The following AHCY variants were observed in gnomAD, a reference collection of about 807,000 sequenced individuals.
The protein encoded by AHCY is S-adenosyl-L-homocysteine hydrolase.
In AHCY, 24 loss-of-function variants were observed where a neutral mutation model predicts 45.4. The observed-to-expected ratio is 0.53, with a 90% CI of 0.38 to 0.74. The LOEUF is 0.74. Ranked by LOEUF, AHCY falls within the 30% of genes least tolerant of loss-of-function variation. The pLI is 0.00. For synonymous variants in AHCY, 245 were observed against 235.1 expected (o/e 1.04, Z -0.39); for missense variants, 449 against 594.1 (o/e 0.76, Z 2.54).
At chr20:34,297,077 G>A (rs2036598279) in intron 1 of AHCY, among the ~76,000 whole-genome samples, 1 of 151,912 alleles carries the variant, frequency 6.6e-6, no homozygotes, top group Admixed American at 6.6e-5. Flanking sequence ...TCTCCTTCCA[G>A]AGGCCAAGCT....
Position 34,291,409 on chromosome 20 carries a change from C to T in AHCY, c.558+10G>A. The T allele has an allele frequency of 6.2e-7, 1 of 1,612,546 alleles. No homozygotes were observed. The highest frequency in any genetic ancestry group is 1.1e-5 in the South Asian group (1 of 91,030). On this transcript the variant is annotated intron_variant, in intron 5 of 9. Coordinates refer to ENST00000217426, the MANE Select transcript of AHCY (RefSeq NM_000687.4). ...ACTGTAGCGGGAGCTGTCACTGCCC[C>T]TCGGCTCACCTTGGTGACGGAGTCA...
At chr20:34,262,927 T>C in the AHCY span, 1 of 1,611,694 alleles carries the variant, frequency 6.2e-7, no homozygotes, top group Non-Finnish European at 8.5e-7. Flanking sequence ...GTTCTCATTG[T>C]TGGGGTGAGA....
intron 1 of AHCY, among the ~76,000 whole-genome samples, chr20:34,296,032 A>G (rs2036568351): frequency 6.6e-6 from 1 of 151,910 alleles, no homozygotes; most frequent in Non-Finnish European, 1.5e-5. Flanking sequence ...ACTATCTAAC[A>G]TTTTGGATTT....
the AHCY span, among the ~76,000 whole-genome samples, chr20:34,258,979 G>C: frequency 5.5e-5 from 8 of 145,468 alleles, no homozygotes; most frequent in East Asian, 1.6e-3. Context: ...TAGGTGGGAG[G>C]ATCACTTGAG....
At chr20:34,278,853 A>G (rs2035935315), downstream of AHCY, among the ~76,000 whole-genome samples, 2 of 152,098 alleles carry the variant, frequency 1.3e-5, no homozygotes, top group Admixed American at 1.3e-4. Flanking sequence ...TCATGCCTGT[A>G]ATCCCAGCAC....
At chr20:34,270,644 T>C in the AHCY span, among the ~76,000 whole-genome samples, 8 of 152,222 alleles carry the variant, frequency 5.3e-5, no homozygotes, top group Non-Finnish European at 5.9e-5. Context: ...CATTCATTCA[T>C]TCATTCAGCA....
chr20:34,285,604 G>C lies in AHCY; in HGVS notation c.1003C>G (p.Arg335Gly). ...CGACCCTCGGCCAGCAGGATGATGC[G>C]GCGCCCATTCTTCAACCGATACCGG... ...VDRYRLKNGR[R>G]IILLAEGRLV... The change falls in exon 9 of 10, where the codon CGC becomes GGC. Residue 335 changes from arginine to glycine, a missense_variant. Physicochemically the swap from Arg to Gly is moderately radical, Grantham distance 125 (BLOSUM62 -2). Coordinates refer to ENST00000217426, the MANE Select transcript of AHCY (RefSeq NM_000687.4). 4 of 1,613,932 alleles carry C rather than the reference G, an allele frequency of 2.5e-6. No homozygotes were observed. The Admixed American group carries it at 6.7e-5, about 27-fold the overall frequency.
chr20:34,298,279 A>T (rs995641499), intron 1 of AHCY, among the ~76,000 whole-genome samples: 1 of 152,240 alleles, frequency 6.6e-6, no homozygotes, highest in African/African-American at 2.4e-5. Flanking sequence ...GATCTTATAT[A>T]TGATTATATA....
At chr20:34,303,531 A>G (rs1185216629), upstream of AHCY, among the ~76,000 whole-genome samples, 2 of 152,124 alleles carry the variant, frequency 1.3e-5, no homozygotes, top group Non-Finnish European at 2.9e-5. Flanking sequence ...TCCGGAAGGG[A>G]GCGCCGGGAG....
the AHCY span, among the ~76,000 whole-genome samples, chr20:34,255,731 G>T: frequency 1.3e-5 from 2 of 152,230 alleles, no homozygotes; most frequent in African/African-American, 4.8e-5. Flanking sequence ...AGACAAGAGT[G>T]TGAGCCCTCT....
At chr20:34,302,718 G>A (rs1477837835) in intron 1 of AHCY, 2 of 988,434 alleles carry the variant, frequency 2.0e-6, no homozygotes, top group African/African-American at 3.5e-5. Flanking sequence ...CCCACAGGTT[G>A]GGTAACTGGC....
At chr20:34,258,694 T>TATATATATATATATATATATAC in the AHCY span, among the ~76,000 whole-genome samples, 1 of 37,094 alleles carries the variant, frequency 2.7e-5, no homozygotes, top group African/African-American at 2.1e-4. Context: ...TATATATACA[T>TATATATATATATATATATATAC]ACTATATATA....
chr20:34,277,280 G>A (rs779389954), downstream of AHCY, among the ~76,000 whole-genome samples: 18 of 152,138 alleles, frequency 1.2e-4, no homozygotes, highest in African/African-American at 3.6e-4. Flanking sequence ...AGAGTGACCC[G>A]GATAAGTCAC....
chr20:34,267,063 C>A, the AHCY span, among the ~76,000 whole-genome samples: 1 of 152,064 alleles, frequency 6.6e-6, no homozygotes, highest in African/African-American at 2.4e-5. Context: ...AGTGAACAAG[C>A]AAGATGAGAT....
At chr20:34,250,932 A>G in the AHCY span, among the ~76,000 whole-genome samples, 1 of 152,120 alleles carries the variant, frequency 6.6e-6, no homozygotes, top group Non-Finnish European at 1.5e-5. Flanking sequence ...CAGGACGCTG[A>G]GTGTACCCTA....
chr20:34,301,875 T>C, intron 1 of AHCY: 1 of 985,482 alleles, frequency 1.0e-6, no homozygotes, highest in Non-Finnish European at 1.2e-6. Context: ...AGTTTCATGC[T>C]CTATATAACG....
chr20:34,303,417 T>C (rs557884909), upstream of AHCY: 40 of 1,222,650 alleles, frequency 3.3e-5, no homozygotes, highest in South Asian at 3.6e-4. Flanking sequence ...CATGACCCGC[T>C]GGGGCGGGGC....
chr20:34,244,925 G>A, the AHCY span, among the ~76,000 whole-genome samples: 1 of 152,248 alleles, frequency 6.6e-6, no homozygotes, highest in Admixed American at 6.5e-5. Context: ...CGTATTACTG[G>A]TTAGGAAGCC....
chr20:34,245,894 C>T, the AHCY span: 13 of 1,349,832 alleles, frequency 9.6e-6, no homozygotes, highest in Non-Finnish European at 1.2e-5. Context: ...AAAGGCCTCT[C>T]TCCCTTTGGC....
Sources: allele counts gnomAD v4.1 joint callset (sites outside exome capture counted in the v4.1 genomes callset), GRCh38; gene constraint gnomAD v4.1.1; transcripts MANE v1.5; gene names NCBI Gene and HGNC (gene_info 2026-07-23, HGNC 2026-07-21).